AGTPBP1: variants seen among roughly 807,000 people sequenced by gnomAD.
AGTPBP1 encodes cytosolic carboxypeptidase 1.
AGTPBP1 carries 70 observed loss-of-function variants against 143.9 expected under a neutral mutation model. The observed-to-expected ratio is 0.49, with a 90% CI of 0.40 to 0.59. AGTPBP1 has a LOEUF of 0.59. AGTPBP1 is among the 20% of genes least tolerant of loss of function. The probability of loss-of-function intolerance (pLI) is 0.00; values close to 1 mark genes in which losing one functional copy is unlikely to be tolerated. For missense variants in AGTPBP1, 1,229 were observed against 1,464.5 expected (o/e 0.84, Z 2.62); for synonymous variants, 463 against 500.2 (o/e 0.93, Z 0.99).
chr9:85,676,610 A>G (rs949663603), intron 6 of AGTPBP1, among the ~76,000 whole-genome samples: 2 of 152,178 alleles, frequency 1.3e-5, no homozygotes, highest in African/African-American at 4.8e-5. Context: ...TACTACAGCC[A>G]CTATGGAAAA....
At chr9:85,714,644 C>T (rs1387314911) in intron 1 of AGTPBP1, among the ~76,000 whole-genome samples, 1 of 152,038 alleles carries the variant, frequency 6.6e-6, no homozygotes, top group Non-Finnish European at 1.5e-5. Flanking sequence ...AGATTTTTTG[C>T]ATCATTTTTG....
rs1347365319 is a variant in AGTPBP1 at position 85,671,348 on chromosome 9, T to G, written c.568+1202A>C. On this transcript the variant is annotated intron_variant, in intron 7 of 25. Coordinates refer to ENST00000357081, the MANE Select transcript of AGTPBP1 (RefSeq NM_001330701.2). Reference sequence around the variant, plus strand: ...ACCTTTACTATTTCATTTCTTGACTTTACTGGTGTTTATTTCTCTGTTCTT... The same window carrying G: ...ACCTTTACTATTTCATTTCTTGACTGTACTGGTGTTTATTTCTCTGTTCTT... 8.5e-5 allele frequency among the ~76,000 whole-genome samples: 13 copies of G among 152,310 alleles called. No homozygotes were observed. The South Asian group carries it at 2.7e-3, about 32-fold the overall frequency.
chr9:85,708,872 T>C (rs150662908), intron 2 of AGTPBP1, among the ~76,000 whole-genome samples: 70 of 151,928 alleles, frequency 4.6e-4, no homozygotes, highest in African/African-American at 1.6e-3. Flanking sequence ...ACAAAGAAAA[T>C]TCCAAGACAA....
At chr9:85,661,178 CA>C (rs1184903903) in intron 8 of AGTPBP1, among the ~76,000 whole-genome samples, 4 of 151,678 alleles carry the variant, frequency 2.6e-5, no homozygotes, top group Non-Finnish European at 5.9e-5. Flanking sequence ...ATTGAAATAT[CA>C]ATAGATAGGA....
At chr9:85,573,215 T>C (rs1483321410) in intron 25 of AGTPBP1, among the ~76,000 whole-genome samples, 1 of 148,024 alleles carries the variant, frequency 6.8e-6, no homozygotes, top group African/African-American at 2.5e-5. Flanking sequence ...CTGACTCTCC[T>C]GCCTCAGCCT....
intron 17 of AGTPBP1, among the ~76,000 whole-genome samples, chr9:85,609,214 T>C (rs1326149748): frequency 1.3e-5 from 2 of 152,108 alleles, no homozygotes; most frequent in Admixed American, 1.3e-4. Context: ...GTATTAAATA[T>C]ACTCCCTAAT....
chr9:85,671,399 CATTT>C (rs1834473588), intron 7 of AGTPBP1, among the ~76,000 whole-genome samples: 3 of 151,718 alleles, frequency 2.0e-5, no homozygotes, highest in Non-Finnish European at 4.4e-5. Context: ...ATATCTAATT[CATTT>C]GTTTCCTTAT....
chr9:85,765,241 T>C, the AGTPBP1 span: 2 of 236,484 alleles, frequency 8.5e-6, no homozygotes, highest in Non-Finnish European at 1.7e-5. Flanking sequence ...ACATAGAAAA[T>C]GATTTGAGGG....
chr9:85,736,476 A>G (rs1322965872), intron 1 of AGTPBP1, among the ~76,000 whole-genome samples: 2 of 152,192 alleles, frequency 1.3e-5, no homozygotes, highest in Non-Finnish European at 2.9e-5. Context: ...TATCAATTAC[A>G]GTCATCCTAT....
At chr9:85,712,245 C>T (rs1564172407) in intron 2 of AGTPBP1, among the ~76,000 whole-genome samples, 2 of 151,938 alleles carry the variant, frequency 1.3e-5, no homozygotes, top group African/African-American at 4.8e-5. Context: ...GCCTGGGCAA[C>T]GAGAGTGAAA....
the AGTPBP1 span, among the ~76,000 whole-genome samples, chr9:85,799,139 T>C: frequency 1.3e-5 from 2 of 152,178 alleles, no homozygotes; most frequent in Admixed American, 1.3e-4. Context: ...GCTTCATTCA[T>C]GTCCCTGCAA....
chr9:85,721,837 C>T (rs1838145665), intron 1 of AGTPBP1, among the ~76,000 whole-genome samples: 1 of 152,150 alleles, frequency 6.6e-6, no homozygotes, highest in Non-Finnish European at 1.5e-5. Flanking sequence ...TTTAGTGCTT[C>T]CTTCAGGAGC....
In AGTPBP1 at chr9:85,692,730, C is replaced by T. The variant is rs768166878; in HGVS notation, c.116G>A (p.Arg39Gln). The T allele has an allele frequency of 4.3e-6, 7 of 1,613,920 alleles. No homozygotes were observed. Among genetic ancestry groups the T allele is most frequent in the Admixed American group, 1.7e-5 (1 of 60,008 alleles). The change falls in exon 3 of 26, where the codon CGA (arginine) becomes CAA (glutamine). Residue 39 changes from arginine (R) to glutamine (Q), a missense_variant. Physicochemically the swap from Arg to Gln is conservative, Grantham distance 43. This residue lies in a region of AGTPBP1 where 743 missense variants were observed against 812.2 expected (regional missense o/e 0.91). Transcript: ENST00000357081. ...ATGAAGAATTTTTGATGTAACATAT[C>T]GGGCAGTGTCTGATTCTGAAGGCTC... ...NAEPSESDTA[R>Q]YVTSKILHLA...
intron 2 of AGTPBP1, among the ~76,000 whole-genome samples, chr9:85,700,718 G>A (rs2134359169): frequency 6.6e-6 from 1 of 152,282 alleles, no homozygotes; most frequent in South Asian, 2.1e-4. Flanking sequence ...GTGAGAACAA[G>A]AGAAAATGCC....
chr9:85,690,900 G>A (rs1205738002), intron 3 of AGTPBP1, among the ~76,000 whole-genome samples: 2 of 152,194 alleles, frequency 1.3e-5, no homozygotes, highest in African/African-American at 4.8e-5. Flanking sequence ...GGTATGGTTA[G>A]GAGTATTTTC....
chr9:85,552,917 T>C (rs1233214209), intron 25 of AGTPBP1, among the ~76,000 whole-genome samples: 3 of 152,246 alleles, frequency 2.0e-5, no homozygotes, highest in African/African-American at 7.2e-5. Flanking sequence ...GCCTAAATTA[T>C]TGGCAATTGG....
intron 17 of AGTPBP1, among the ~76,000 whole-genome samples, chr9:85,610,867 C>T (rs1340371561): frequency 1.3e-5 from 2 of 152,134 alleles, no homozygotes; most frequent in African/African-American, 2.4e-5. Context: ...TCTTTTAATT[C>T]TGTTAATGTT....
chr9:85,588,819 TA>T (rs577900683), intron 20 of AGTPBP1, among the ~76,000 whole-genome samples: 5 of 144,588 alleles, frequency 3.5e-5, no homozygotes, highest in Non-Finnish European at 7.5e-5. Context: ...GTTTAAAATA[TA>T]AAACTATTTT....
chr9:85,734,877 C>CA lies in AGTPBP1; in HGVS notation c.-34+6897dup, dbSNP rs932446688. ...TAGAACCCCGTCTCTACTAAAAATA[C>CA]AAAAAAAAATTAGCCAGGCATGGTG... On this transcript the variant is annotated intron_variant, in intron 1 of 25. Coordinates refer to ENST00000357081, the MANE Select transcript of AGTPBP1 (RefSeq NM_001330701.2). 2.7e-4 allele frequency among the ~76,000 whole-genome samples: 41 copies of CA among 150,710 alleles called. No individual in the cohort carries two copies. In the East Asian group the frequency reaches 7.0e-3, roughly 26 times the overall value.
Sources: gnomAD v4.1 joint callset for allele counts (sites outside exome capture counted in the v4.1 genomes callset) on GRCh38, gnomAD v4.1.1 for gene constraint, gnomAD v4.1.1 regional missense constraint, MANE v1.5 for transcripts, NCBI Gene and HGNC (gene_info 2026-07-23, HGNC 2026-07-21) for gene names.